The following RUNX2 variants were observed in gnomAD, a reference collection of about 807,000 sequenced individuals.
RUNX2 encodes runt-related transcription factor 2.
RUNX2 carries 10 observed loss-of-function variants against 51.7 expected under a neutral mutation model. The ratio of observed to expected loss-of-function variants is 0.19; its 90% CI spans 0.12 to 0.33. The LOEUF (loss-of-function observed/expected upper bound fraction) is 0.33. Among genes scored for constraint, RUNX2 ranks in the 10% least tolerant of loss-of-function variants. RUNX2 has a pLI of 1.00. For missense variants in RUNX2, 562 were observed against 691.3 expected (o/e 0.81, Z 2.10); for synonymous variants, 276 against 273.6 (o/e 1.01, Z -0.09).
At chr6:45,330,822 G>C (rs1378540697) in intron 2 of RUNX2, among the ~76,000 whole-genome samples, 1 of 151,718 alleles carries the variant, frequency 6.6e-6, no homozygotes, top group Non-Finnish European at 1.5e-5. Flanking sequence ...CCTGAATAGA[G>C]AACTTAACAT....
chr6:45,414,435 T>C (rs1798019110), intron 2 of RUNX2, among the ~76,000 whole-genome samples: 1 of 152,220 alleles, frequency 6.6e-6, no homozygotes, highest in Admixed American at 6.5e-5. Context: ...CAAAGACCTT[T>C]AAATTCCTTT....
intron 2 of RUNX2, among the ~76,000 whole-genome samples, chr6:45,357,046 G>A (rs1214713582): frequency 2.6e-5 from 4 of 151,594 alleles, no homozygotes; most frequent in South Asian, 2.1e-4. Context: ...TCACTCTGTC[G>A]CCCAGGCTGG....
At chr6:45,510,605 T>A (rs1183623723) in intron 6 of RUNX2, among the ~76,000 whole-genome samples, 1 of 152,116 alleles carries the variant, frequency 6.6e-6, no homozygotes, top group African/African-American at 2.4e-5. Context: ...AATTAACTGT[T>A]CAAGTATATT....
intron 2 of RUNX2, among the ~76,000 whole-genome samples, chr6:45,379,950 G>A (rs1250697706): frequency 3.3e-5 from 5 of 152,160 alleles, no homozygotes; most frequent in Non-Finnish European, 5.9e-5. Context: ...ATTGATACAG[G>A]AAGTTTAAAA....
intron 7 of RUNX2, among the ~76,000 whole-genome samples, chr6:45,527,636 G>T (rs926601866): frequency 2.0e-5 from 3 of 152,212 alleles, no homozygotes; most frequent in Admixed American, 6.5e-5. Context: ...CCTAAGTGAA[G>T]TGGTAATTCA....
intron 6 of RUNX2, among the ~76,000 whole-genome samples, chr6:45,493,501 G>C (rs1305000239): frequency 6.6e-6 from 1 of 151,960 alleles, no homozygotes; most frequent in African/African-American, 2.4e-5. Context: ...ACAAAAGATG[G>C]GAGAGTGGGG....
chr6:45,529,250 A>T (rs1005896622), intron 7 of RUNX2, among the ~76,000 whole-genome samples: 1 of 152,188 alleles, frequency 6.6e-6, no homozygotes, highest in African/African-American at 2.4e-5. Flanking sequence ...TGTACTGAAA[A>T]CTATTACAGC....
At chr6:45,414,823 C>T (rs1164345544) in intron 2 of RUNX2, among the ~76,000 whole-genome samples, 2 of 126,228 alleles carry the variant, frequency 1.6e-5, no homozygotes, top group Non-Finnish European at 3.2e-5. Context: ...AATTTTTGCC[C>T]AGGATTTTGT....
chr6:45,502,379 T>C lies in RUNX2; in HGVS notation c.860-9867T>C, dbSNP rs143095621. On this transcript the variant is annotated intron_variant, in intron 6 of 8. Transcript: ENST00000647337. ...TTCTAACTTTCATTAATAAAAATTA[T>C]GCCTATTGTTCTTGAACTTTGGCAC... 2.1e-4 allele frequency among the ~76,000 whole-genome samples: 32 copies of C among 152,314 alleles called. No individual in the cohort carries two copies. In the East Asian group the frequency reaches 3.9e-3, roughly 18 times the overall value.
chr6:45,382,268 A>G (rs920002949), intron 2 of RUNX2, among the ~76,000 whole-genome samples: 2 of 152,260 alleles, frequency 1.3e-5, no homozygotes, highest in African/African-American at 4.8e-5. Context: ...ACAAAAACAT[A>G]TGCCATCATC....
intron 6 of RUNX2, among the ~76,000 whole-genome samples, chr6:45,498,705 C>A (rs935560490): frequency 1.3e-5 from 2 of 152,084 alleles, no homozygotes; most frequent in Admixed American, 6.6e-5. Flanking sequence ...TTCTGTATTC[C>A]CTCAGCAAAC....
Position 45,547,135 on chromosome 6 carries a change from C to G in RUNX2, c.1396C>G (p.Pro466Ala). The G allele has an allele frequency of 6.2e-7, 1 of 1,614,088 alleles. No individual in the cohort carries two copies. The highest frequency in any genetic ancestry group is 8.5e-7 in the Non-Finnish European group (1 of 1,180,022). The change falls in exon 9 of 9, where the codon CCT becomes GCT. Residue 466 changes from proline to alanine, a missense_variant. Around this residue, in one of 5 missense-constraint regions of RUNX2, gnomAD observed 304 missense variants for 353.2 expected, o/e 0.86. Coordinates refer to ENST00000647337, the MANE Select transcript of RUNX2 (RefSeq NM_001024630.4). Reference protein sequence around the residue: ...FPMVPGGDRSPSRMLPPCTTT... With the variant: ...FPMVPGGDRSASRMLPPCTTT... ...CATGGTGCCGGGGGGAGACCGGTCT[C>G]CTTCCAGAATGCTTCCGCCATGCAC... is the stretch of plus-strand genomic sequence containing the variant.
At chr6:45,428,686 A>G (rs1798452385) in intron 3 of RUNX2, among the ~76,000 whole-genome samples, 1 of 152,132 alleles carries the variant, frequency 6.6e-6, no homozygotes, top group African/African-American at 2.4e-5. Flanking sequence ...GGATGTATGT[A>G]TTTCACTCTT....
chr6:45,456,726 C>T (rs1412192715), intron 5 of RUNX2, among the ~76,000 whole-genome samples: 1 of 152,166 alleles, frequency 6.6e-6, no homozygotes, highest in African/African-American at 2.4e-5. Flanking sequence ...TCAGACCTGC[C>T]CTATGGGCTG....
At chr6:45,487,865 A>G (rs1487254737) in intron 5 of RUNX2, among the ~76,000 whole-genome samples, 2 of 152,194 alleles carry the variant, frequency 1.3e-5, no homozygotes, top group Admixed American at 1.3e-4. Context: ...AATACACAAG[A>G]TAATTATAGA....
At chr6:45,519,125 G>A (rs1267658008) in intron 7 of RUNX2, among the ~76,000 whole-genome samples, 1 of 152,112 alleles carries the variant, frequency 6.6e-6, no homozygotes, top group Non-Finnish European at 1.5e-5. Flanking sequence ...AGTAAAGTTT[G>A]CCTTACCAGA....
chr6:45,514,605 G>T (rs888694663), intron 7 of RUNX2, among the ~76,000 whole-genome samples: 1 of 152,152 alleles, frequency 6.6e-6, no homozygotes, highest in Non-Finnish European at 1.5e-5. Flanking sequence ...ATGTAGGTAG[G>T]GAAACAGGAA....
intron 2 of RUNX2, among the ~76,000 whole-genome samples, chr6:45,339,270 G>T (rs748265660): frequency 6.6e-6 from 1 of 152,092 alleles, no homozygotes; most frequent in Non-Finnish European, 1.5e-5. Context: ...GAATTACCTG[G>T]GGAGTAAGTC....
intron 6 of RUNX2, among the ~76,000 whole-genome samples, chr6:45,502,060 T>A (rs77150231): frequency 0.017 from 2,580 of 152,286 alleles, 77 homozygotes; most frequent in African/African-American, 0.059. Context: ...TAGTAGTGAT[T>A]GGAGTTATAG....
Sources: gnomAD v4.1 joint callset for allele counts (sites outside exome capture counted in the v4.1 genomes callset) on GRCh38, gnomAD v4.1.1 for gene constraint, gnomAD v4.1.1 regional missense constraint, MANE v1.5 for transcripts, NCBI Gene and HGNC (gene_info 2026-07-23, HGNC 2026-07-21) for gene names.